AGTPBP1: variants seen among roughly 807,000 people sequenced by gnomAD.
AGTPBP1 encodes ATP/GTP binding carboxypeptidase 1.
AGTPBP1 carries 70 observed loss-of-function variants against 143.9 expected under a neutral mutation model. The ratio of observed to expected loss-of-function variants is 0.49; its 90% CI spans 0.40 to 0.59. The LOEUF (loss-of-function observed/expected upper bound fraction) is 0.59, where lower values mean the gene tolerates loss of function less well. AGTPBP1 is among the 20% of genes least tolerant of loss of function. The pLI, the probability that AGTPBP1 is intolerant of heterozygous loss-of-function variation, is 0.00. For missense variants in AGTPBP1, 1,229 were observed against 1,464.5 expected, an observed-to-expected ratio of 0.84 and a Z score of 2.62; for synonymous variants, 463 against 500.2, an observed-to-expected ratio of 0.93 and a Z score of 0.99.
chr9:85,757,490 T>G, the AGTPBP1 span, among the ~76,000 whole-genome samples: 2 of 151,714 alleles, frequency 1.3e-5, no homozygotes, highest in Admixed American at 6.6e-5. Flanking sequence ...GGACAAAAGA[T>G]TACAAAAAAA....
intron 25 of AGTPBP1, among the ~76,000 whole-genome samples, chr9:85,573,641 T>C (rs1398927301): frequency 2.3e-5 from 3 of 130,994 alleles, no homozygotes; most frequent in Non-Finnish European, 4.8e-5. Context: ...CCGCCCGCCA[T>C]CCCATCTAGG....
At chr9:85,550,367 CT>C (rs1327053461) in intron 25 of AGTPBP1, among the ~76,000 whole-genome samples, 1 of 152,182 alleles carries the variant, frequency 6.6e-6, no homozygotes, top group Non-Finnish European at 1.5e-5. Flanking sequence ...TTTTTACTAG[CT>C]CTCTCCACTG....
intron 24 of AGTPBP1, among the ~76,000 whole-genome samples, chr9:85,576,559 A>G (rs1168968762): frequency 6.6e-6 from 1 of 152,224 alleles, no homozygotes; most frequent in Non-Finnish European, 1.5e-5. Flanking sequence ...GAAAGGTTAT[A>G]CATGTTTCTG....
rs183444184 is a variant in AGTPBP1, at chr9:85,726,896, T to C, written c.-33-14330A>G. Among the ~76,000 whole-genome samples the C allele has an allele frequency of 4.8e-4, 73 of 152,312 alleles. No homozygotes were observed. The East Asian group carries it at 0.011, about 23-fold the overall frequency. On this transcript the variant is annotated intron_variant, in intron 1 of 25. Transcript: ENST00000357081. The stretch of plus-strand genomic sequence containing the variant: ...CACACAATTGGTGGTGAGAATCTAC[T>C]ATAAGTATAATAAAAAAGTGTAAAA...
intron 25 of AGTPBP1, among the ~76,000 whole-genome samples, chr9:85,564,858 A>G (rs897088727): frequency 5.3e-5 from 8 of 152,248 alleles, no homozygotes; most frequent in African/African-American, 2.4e-5. Context: ...TGTTGGAATA[A>G]GCGAACATTT....
intron 2 of AGTPBP1, among the ~76,000 whole-genome samples, chr9:85,711,230 T>C (rs1837344378): frequency 6.6e-6 from 1 of 152,138 alleles, no homozygotes; most frequent in Admixed American, 6.5e-5. Context: ...ATTAAAGTAA[T>C]TGTTCAGATG....
intron 14 of AGTPBP1, among the ~76,000 whole-genome samples, chr9:85,630,234 T>C (rs1051400374): frequency 1.8e-4 from 27 of 152,184 alleles, no homozygotes; most frequent in African/African-American, 6.3e-4. Context: ...CAATGAGATA[T>C]GCTCCTGTGG....
rs1830782424 is a variant in AGTPBP1, at chr9:85,619,436, C to T, written c.2100-135G>A. On this transcript the variant is annotated intron_variant, in intron 15 of 25. Coordinates refer to ENST00000357081, the MANE Select transcript of AGTPBP1 (RefSeq NM_001330701.2). The stretch of plus-strand genomic sequence containing the variant: ...TCCTCATTATTTTTAAACTAAAGCA[C>T]AAAACAAGCACAATCAATACATTAA... The T allele has an allele frequency of 2.1e-5, 13 of 609,128 alleles. No homozygotes were observed. In the South Asian group the frequency reaches 2.9e-4, roughly 14 times the overall value. The allele number at this position is 609,128 out of a possible 1,614,324, so 37.7% of individuals were successfully genotyped here. A position where few individuals can be genotyped will look rare whatever the true frequency, so the allele number is the denominator to read the frequency against.
intron 1 of AGTPBP1, among the ~76,000 whole-genome samples, chr9:85,717,984 C>T (rs967567138): frequency 9.9e-5 from 15 of 152,230 alleles, no homozygotes; most frequent in Admixed American, 3.3e-4. Context: ...CAGCTTCATC[C>T]ACGTCCCTGC....
chr9:85,567,666 A>AT (rs1213736312), intron 25 of AGTPBP1, among the ~76,000 whole-genome samples: 2 of 152,202 alleles, frequency 1.3e-5, no homozygotes, highest in African/African-American at 4.8e-5. Flanking sequence ...ATACATAGTC[A>AT]TTAAAAGAAA....
chr9:85,679,644 G>A (rs1258175212), intron 4 of AGTPBP1, among the ~76,000 whole-genome samples: 3 of 152,080 alleles, frequency 2.0e-5, no homozygotes, highest in Non-Finnish European at 4.4e-5. Context: ...TCCTGACCTC[G>A]TGATCTGCCC....
chr9:85,558,901 G>A (rs1002953739), intron 25 of AGTPBP1, among the ~76,000 whole-genome samples: 4 of 152,168 alleles, frequency 2.6e-5, no homozygotes, highest in Non-Finnish European at 5.9e-5. Context: ...TTACAGGCGT[G>A]AGCCACTGCA....
chr9:85,640,720 T>C (rs888239929), intron 13 of AGTPBP1, among the ~76,000 whole-genome samples: 6 of 107,592 alleles, frequency 5.6e-5, no homozygotes, highest in African/African-American at 2.8e-4. Context: ...AATCTAAACA[T>C]AGAATGCAAG....
chr9:85,626,855 C>T (rs948150191), intron 14 of AGTPBP1, among the ~76,000 whole-genome samples: 1 of 152,126 alleles, frequency 6.6e-6, no homozygotes, highest in Non-Finnish European at 1.5e-5. Flanking sequence ...TTTCATGTGC[C>T]ACGAAGCCTT....
chr9:85,577,118 T>G (rs1412068055), intron 24 of AGTPBP1, among the ~76,000 whole-genome samples: 1 of 152,108 alleles, frequency 6.6e-6, no homozygotes, highest in African/African-American at 2.4e-5. Context: ...CGAAAAAAAT[T>G]TTTAAATTCA....
the AGTPBP1 span, among the ~76,000 whole-genome samples, chr9:85,783,336 T>A: frequency 6.6e-6 from 1 of 152,228 alleles, no homozygotes; most frequent in Non-Finnish European, 1.5e-5. Flanking sequence ...TGTATAGTCA[T>A]TATAGAAAAA....
intron 2 of AGTPBP1, among the ~76,000 whole-genome samples, chr9:85,697,445 G>GTTTTTTTTTTTTTTTTTTTT (rs758082233): frequency 6.1e-5 from 4 of 65,074 alleles, no homozygotes; most frequent in Non-Finnish European, 8.0e-5. Flanking sequence ...TTTGTTTTTT[G>GTTTTTTTTTTTTTTTTTTTT]TTTTTTTTTT....
chr9:85,681,538 C>T (rs1243466820), intron 3 of AGTPBP1, among the ~76,000 whole-genome samples: 1 of 152,134 alleles, frequency 6.6e-6, no homozygotes, highest in East Asian at 1.9e-4. Flanking sequence ...GCATTCTTCA[C>T]ATTTCATCAC....
the AGTPBP1 span, among the ~76,000 whole-genome samples, chr9:85,787,716 G>A: frequency 1.5e-4 from 23 of 152,258 alleles, no homozygotes; most frequent in African/African-American, 5.5e-4. Context: ...TGTTATTTAG[G>A]TTGTTCTTTG....
Sources: gnomAD v4.1 joint callset for allele counts (sites outside exome capture counted in the v4.1 genomes callset) on GRCh38, gnomAD v4.1.1 for gene constraint, MANE v1.5 for transcripts, NCBI Gene and HGNC (gene_info 2026-07-23, HGNC 2026-07-21) for gene names.